Variants in ITSN2 observed in about 807,000 individuals in gnomAD.
ITSN2 encodes the protein intersectin 2.
In ITSN2, 156 loss-of-function variants were observed where a neutral mutation model predicts 243.7. That is an observed-to-expected ratio of 0.64 (90% CI 0.56 to 0.73). ITSN2 has a LOEUF of 0.73. Ranked by LOEUF, ITSN2 falls within the 30% of genes least tolerant of loss-of-function variation. ITSN2 has a pLI of 0.00. For missense variants in ITSN2, 1,801 were observed against 1,996.1 expected (o/e 0.90, Z 1.86); for synonymous variants, 703 against 699.9 (o/e 1.00, Z -0.07).
chr2:24,220,896 A>T lies in ITSN2; in HGVS notation c.3699+49T>A, dbSNP rs756504334. On this transcript the variant is annotated intron_variant, in intron 30 of 39. Transcript: ENST00000355123. Reference sequence around the variant, plus strand: ...CTGAGTCTGATGCCCACCATCTCTCATGAGAGACAGCAGATACCCCGAGAG... The same window carrying T: ...CTGAGTCTGATGCCCACCATCTCTCTTGAGAGACAGCAGATACCCCGAGAG... 4 of 1,547,006 alleles carry T rather than the reference A, an allele frequency of 2.6e-6. No homozygotes were observed. In the African/African-American group the frequency reaches 5.6e-5, roughly 22 times the overall value.
intron 15 of ITSN2, among the ~76,000 whole-genome samples, chr2:24,290,087 A>G (rs1464787477): frequency 1.3e-5 from 2 of 152,144 alleles, no homozygotes; most frequent in Non-Finnish European, 2.9e-5. Flanking sequence ...CGTGGCTCGT[A>G]GATTTTTGTC....
intron 29 of ITSN2, among the ~76,000 whole-genome samples, chr2:24,237,853 C>CTA (rs1374388672): frequency 6.6e-6 from 1 of 152,198 alleles, no homozygotes; most frequent in Non-Finnish European, 1.5e-5. Context: ...ACCCTGGAAA[C>CTA]TATAGATTTT....
intron 1 of ITSN2, among the ~76,000 whole-genome samples, chr2:24,330,856 T>A (rs1234620033): frequency 1.3e-5 from 2 of 151,970 alleles, no homozygotes; most frequent in Admixed American, 6.6e-5. Flanking sequence ...AACCTCCACC[T>A]CGTGGGTTCA....
At chr2:24,337,319 T>TATATATATACAC (rs1553395909) in intron 1 of ITSN2, among the ~76,000 whole-genome samples, 2 of 66,976 alleles carry the variant, frequency 3.0e-5, no homozygotes, top group Admixed American at 1.5e-4. Flanking sequence ...ACACAAAATA[T>TATATATATACAC]ATATATATAT....
intron 24 of ITSN2, among the ~76,000 whole-genome samples, 197 bp from the exon 25 acceptor site, chr2:24,252,708 T>G (rs796614885): frequency 2.0e-5 from 3 of 152,158 alleles, no homozygotes; most frequent in Non-Finnish European, 2.9e-5. Context: ...AAAAAAGTTA[T>G]TTGACTTAAC....
chr2:24,275,915 G>T, intron 17 of ITSN2, 66 bp from the exon 18 acceptor site: 1 of 1,175,754 alleles, frequency 8.5e-7, no homozygotes, highest in Non-Finnish European at 1.2e-6. Context: ...ATGTATTAAT[G>T]TGGCATTTGC....
chr2:24,247,271 C>T (rs1480879200), intron 27 of ITSN2, among the ~76,000 whole-genome samples: 2 of 152,192 alleles, frequency 1.3e-5, no homozygotes, highest in African/African-American at 4.8e-5. Flanking sequence ...ACTGGCAATA[C>T]TCTGTGTGTA....
intron 15 of ITSN2, 111 bp from the exon 16 acceptor site, chr2:24,286,462 T>G (rs934179858): frequency 3.6e-6 from 3 of 832,000 alleles, no homozygotes; most frequent in Non-Finnish European, 4.0e-6. Context: ...ACGAAGGATG[T>G]ATACACAATG....
intron 29 of ITSN2, among the ~76,000 whole-genome samples, chr2:24,232,254 T>C (rs751707592): frequency 6.6e-6 from 1 of 152,218 alleles, no homozygotes. Context: ...TTGCAGACCA[T>C]CAGAAAGCAA....
At position 24,258,069 on chromosome 2, in the gene ITSN2, C is replaced by A; in HGVS notation, c.2707G>T (p.Ala903Ser). The change falls in exon 23 of 40, where the codon GCA (alanine) becomes TCA (serine). Residue 903 changes from alanine to serine, a missense_variant. By Grantham distance (99) the Ala-to-Ser change is moderately conservative. Around this residue, in one of 5 missense-constraint regions of ITSN2, gnomAD observed 928 missense variants for 1,065.4 expected, o/e 0.87. Coordinates refer to ENST00000355123, the MANE Select transcript of ITSN2 (RefSeq NM_006277.3). ...GQGQVVENLK[A>S]QALCSWTAKK... ...GCAGTCCAGGAACAAAGGGCCTGTG[C>A]TTTTAAGTTTTCTACCACTTGTCCC... The A allele has an allele frequency of 6.2e-7, 1 of 1,614,028 alleles. No homozygotes were observed. Among genetic ancestry groups the A allele is most frequent in the Non-Finnish European group, 8.5e-7 (1 of 1,179,922 alleles).
intron 36 of ITSN2, among the ~76,000 whole-genome samples, chr2:24,208,750 C>T (rs375347826): frequency 2.2e-4 from 34 of 152,322 alleles, no homozygotes; most frequent in African/African-American, 7.0e-4. Context: ...GGTGGAGGGA[C>T]GAGGGCTGAG....
At chr2:24,348,310 G>T (rs143551511) in intron 1 of ITSN2, among the ~76,000 whole-genome samples, 3,400 of 150,086 alleles carry the variant, frequency 0.023, 43 homozygotes, top group Non-Finnish European at 0.033. Context: ...AAGTAGCTGG[G>T]ATTACAGGTG....
Position 24,208,326 on chromosome 2 carries a change from G to A in ITSN2, c.4596-7C>T, listed in dbSNP as rs745708425. 6 of 1,610,600 alleles carry A rather than the reference G, an allele frequency of 3.7e-6. No individual in the cohort carries two copies. The highest frequency in any genetic ancestry group is 5.1e-6 in the Non-Finnish European group (6 of 1,179,050). On this transcript the variant is annotated splice_polypyrimidine_tract_variant and splice_region_variant and intron_variant, in intron 36 of 39. Transcript: ENST00000355123. Reference sequence around the variant, plus strand: ...CTTCTGCACCCAGGCGGTCCTACGGGAGAAGCAGGGGCAGCCGTTGGCCGC... The same window carrying A: ...CTTCTGCACCCAGGCGGTCCTACGGAAGAAGCAGGGGCAGCCGTTGGCCGC...
At position 24,211,092 on chromosome 2, in the gene ITSN2, G is replaced by A. The variant is rs969212538; in HGVS notation, c.4090-145C>T. 4.2e-6 allele frequency: 3 copies of A among 712,288 alleles called. No individual in the cohort carries two copies. The highest frequency in any genetic ancestry group is 7.0e-6 in the Non-Finnish European group (3 of 430,396). 44.1% of individuals were successfully genotyped at this position (712,288 alleles called of 1,614,324 possible). A position where few individuals can be genotyped will look rare whatever the true frequency, so the allele number is the denominator to read the frequency against. On this transcript the variant is annotated intron_variant, in intron 33 of 39. Transcript: ENST00000355123. The surrounding 1 kb of genome is among the most constrained non-coding windows in gnomAD (Gnocchi z 4.1). ...GGCGGTGAACAAGACGACACTTTCC[G>A]CCCTTGAGAAACTCGTACTCCCACA...
At chr2:24,248,801 A>C in intron 26 of ITSN2, 36 bp downstream of exon 26, 2 of 1,613,468 alleles carry the variant, frequency 1.2e-6, no homozygotes, top group Non-Finnish European at 1.7e-6. Flanking sequence ...CAGAGCAAAC[A>C]CGTTAGTAAT....
At chr2:24,299,071 C>T (rs1681381738) in intron 12 of ITSN2, among the ~76,000 whole-genome samples, 1 of 149,706 alleles carries the variant, frequency 6.7e-6, no homozygotes, top group African/African-American at 2.5e-5. Flanking sequence ...GCTCTGTCAC[C>T]CAGGCTGGAG....
intron 20 of ITSN2, among the ~76,000 whole-genome samples, chr2:24,262,775 G>A (rs561722125): frequency 6.6e-6 from 1 of 152,300 alleles, no homozygotes; most frequent in Non-Finnish European, 1.5e-5. Flanking sequence ...TCAAGTGGAT[G>A]TCCCATGGGA....
At chr2:24,287,392 C>T (rs935870995) in intron 15 of ITSN2, among the ~76,000 whole-genome samples, 6 of 152,130 alleles carry the variant, frequency 3.9e-5, no homozygotes, top group African/African-American at 1.4e-4. Flanking sequence ...CTGGTAACCA[C>T]TCTTCTACTC....
chr2:24,206,199 A>G (rs1668836018), intron 37 of ITSN2: 1 of 385,678 alleles, frequency 2.6e-6, no homozygotes, highest in Non-Finnish European at 5.2e-6. Flanking sequence ...CTTTTAAAGT[A>G]CCATTAAAAT....
Sources: gnomAD v4.1 joint callset for allele counts (sites outside exome capture counted in the v4.1 genomes callset) on GRCh38, gnomAD v4.1.1 for gene constraint, gnomAD v4.1.1 regional missense constraint, Gnocchi (gnomAD v3.1) non-coding constraint, MANE v1.5 for transcripts, NCBI Gene and HGNC (gene_info 2026-07-23, HGNC 2026-07-21) for gene names.